Variants in FAM53B observed in about 807,000 individuals in gnomAD.
FAM53B encodes the protein family with sequence similarity 53 member B.
FAM53B carries 12 observed loss-of-function variants against 32.7 expected under a neutral mutation model. The ratio of observed to expected loss-of-function variants is 0.37; its 90% CI spans 0.24 to 0.59. The LOEUF (loss-of-function observed/expected upper bound fraction) is 0.59. Among genes scored for constraint, FAM53B ranks in the 20% least tolerant of loss-of-function variants. The pLI, the probability that FAM53B is intolerant of heterozygous loss-of-function variation, is 0.72. For synonymous variants in FAM53B, 234 were observed against 228.7 expected, an observed-to-expected ratio of 1.02 and a Z score of -0.21; for missense variants, 477 against 577.7, an observed-to-expected ratio of 0.83 and a Z score of 1.79.
At chr10:124,641,122 CAG>C (rs1300638801) in intron 4 of FAM53B, among the ~76,000 whole-genome samples, 10 of 152,220 alleles carry the variant, frequency 6.6e-5, no homozygotes. Flanking sequence ...AGGGGCTGTC[CAG>C]AGTCCCGGGC....
chr10:124,693,743 T>TG (rs1271784052), intron 3 of FAM53B, among the ~76,000 whole-genome samples: 1 of 152,174 alleles, frequency 6.6e-6, no homozygotes, highest in African/African-American at 2.4e-5. Context: ...GCCGGGAAGA[T>TG]GGGGTGGTAT....
At chr10:124,633,496 GAAC>G (rs1949405546) in intron 4 of FAM53B, among the ~76,000 whole-genome samples, 2 of 152,274 alleles carry the variant, frequency 1.3e-5, no homozygotes, top group East Asian at 3.9e-4. Context: ...ACTCTGTAAA[GAAC>G]AGTGGGGAAG....
chr10:124,698,707 T>G (rs1482912616), intron 2 of FAM53B, among the ~76,000 whole-genome samples: 3 of 152,074 alleles, frequency 2.0e-5, no homozygotes, highest in Non-Finnish European at 4.4e-5. Context: ...TCCCAGCCAC[T>G]GCCAGCCCCA....
intron 1 of FAM53B, 35 bp from the exon 2 acceptor site, chr10:124,706,922 A>T (rs1413807652): frequency 1.2e-5 from 17 of 1,419,772 alleles, no homozygotes; most frequent in Non-Finnish European, 1.6e-5. Context: ...AAGATTCAGG[A>T]CTAAGAAAGA....
chr10:124,655,682 G>A (rs1295765348), intron 4 of FAM53B, among the ~76,000 whole-genome samples: 1 of 152,136 alleles, frequency 6.6e-6, no homozygotes, highest in Non-Finnish European at 1.5e-5. Context: ...GTTCTCTGCT[G>A]GGGTCCCTCT....
intron 3 of FAM53B, among the ~76,000 whole-genome samples, chr10:124,691,693 TTAG>T (rs1185803368): frequency 6.6e-6 from 1 of 152,208 alleles, no homozygotes; most frequent in Admixed American, 6.5e-5. Flanking sequence ...ATGGCTGCAA[TTAG>T]CCAAGGGTGG....
chr10:124,650,785 A>C lies in FAM53B; in HGVS notation c.907-27181T>G, dbSNP rs190421411. ...CCAGTACAATGTCCCCAGCCCTGCT[A>C]GGAGGCCAATATTCCTTTGCCATCA... On this transcript the variant is annotated intron_variant, in intron 4 of 4. Transcript: ENST00000337318. Among the ~76,000 whole-genome samples, 368 of 152,264 alleles carry C rather than the reference A, an allele frequency of 2.4e-3. 4 individuals are homozygous for C. The highest frequency in any genetic ancestry group is 8.6e-3 in the African/African-American group (356 of 41,534).
chr10:124,623,347 G>A lies in FAM53B; in HGVS notation c.1164C>T (p.Gly388=), dbSNP rs1459347586. ...AGGCTGCAGCCGGCTCCGCTCTCCT[G>A]CCACAATCCTCGTCCAGGGCGCAGC... is the stretch of plus-strand genomic sequence containing the variant. The part of the protein sequence containing the change: ...SDSCALDEDC[G]RRAEPAAAWR... Residue 388 remains glycine (G), a synonymous_variant, in exon 5 of 5, where the codon GGC becomes GGT. Coordinates refer to ENST00000337318, the MANE Select transcript of FAM53B (RefSeq NM_014661.4). The A allele has an allele frequency of 1.2e-6, 2 of 1,612,644 alleles. No individual in the cohort carries two copies. Among genetic ancestry groups the A allele is most frequent in the Non-Finnish European group, 8.5e-7 (1 of 1,179,830 alleles).
rs1228411999 is a variant in FAM53B at position 124,620,819 on chromosome 10, G to A, written c.*2423C>T. Reference sequence around the variant, plus strand: ...AGGGATAGCCACCATTTTCTCCCCTGACTGCTGCGTGGTGGGCACAGGACA... The same window carrying A: ...AGGGATAGCCACCATTTTCTCCCCTAACTGCTGCGTGGTGGGCACAGGACA... On this transcript the variant is annotated 3_prime_UTR_variant, in exon 5 of 5. Coordinates refer to ENST00000337318, the MANE Select transcript of FAM53B (RefSeq NM_014661.4). 1 of 152,438 alleles carries A rather than the reference G, an allele frequency of 6.6e-6. No individual in the cohort carries two copies. The highest frequency in any genetic ancestry group is 1.5e-5 in the Non-Finnish European group (1 of 68,204). The allele number at this position is 152,438 out of a possible 1,614,324, so 9.4% of individuals were successfully genotyped here.
At chr10:124,674,980 A>AGTTT (rs1483441342) in intron 4 of FAM53B, among the ~76,000 whole-genome samples, 9 of 152,178 alleles carry the variant, frequency 5.9e-5, no homozygotes, top group Non-Finnish European at 7.4e-5. Context: ...CTTCTCAAAC[A>AGTTT]TTCTCTGCTC....
At chr10:124,694,132 C>T (rs1460506602) in intron 3 of FAM53B, among the ~76,000 whole-genome samples, 1 of 152,242 alleles carries the variant, frequency 6.6e-6, no homozygotes, top group Non-Finnish European at 1.5e-5. Context: ...GCTTCTCCCT[C>T]TGCTGCCTGG....
At chr10:124,641,421 G>C (rs960059955) in intron 4 of FAM53B, among the ~76,000 whole-genome samples, 1 of 152,234 alleles carries the variant, frequency 6.6e-6, no homozygotes, top group Non-Finnish European at 1.5e-5. Flanking sequence ...CTCAGCCCAA[G>C]TTAGGAGATG....
intron 1 of FAM53B, 58 bp from the exon 2 acceptor site, chr10:124,706,945 G>A: frequency 1.4e-6 from 2 of 1,381,576 alleles, no homozygotes; most frequent in Non-Finnish European, 1.9e-6. Context: ...AGGGCCCTGA[G>A]AGTCACCCCT....
chr10:124,684,821 A>G (rs1025746450), intron 3 of FAM53B, among the ~76,000 whole-genome samples: 2 of 152,218 alleles, frequency 1.3e-5, no homozygotes, highest in Non-Finnish European at 2.9e-5. Flanking sequence ...GACCAGCTAT[A>G]AAGTAAAATT....
At position 124,733,683 on chromosome 10, in the gene FAM53B, T is replaced by C. The variant is rs1321368886; in HGVS notation, c.-175+10330A>G. On this transcript the variant is annotated intron_variant, in intron 1 of 4. Coordinates refer to ENST00000337318, the MANE Select transcript of FAM53B (RefSeq NM_014661.4). The surrounding 1 kb of genome is among the most constrained non-coding windows in gnomAD (Gnocchi z 4.3). ...TAAATGCGAGAGTTTTGTCTAAAAA[T>C]AAACAAAGACCACATCACTCTGGCC... is the stretch of plus-strand genomic sequence containing the variant. Among the ~76,000 whole-genome samples the C allele has an allele frequency of 6.6e-6, 1 of 152,162 alleles. No homozygotes were observed. The highest frequency in any genetic ancestry group is 6.5e-5 in the Admixed American group (1 of 15,282).
intron 3 of FAM53B, among the ~76,000 whole-genome samples, chr10:124,683,878 G>A (rs1266191154): frequency 6.6e-6 from 1 of 152,150 alleles, no homozygotes; most frequent in East Asian, 1.9e-4. Context: ...CTCCTCAAAG[G>A]GCACCAAGAG....
chr10:124,651,600 A>ACCC lies in FAM53B; in HGVS notation c.907-27999_907-27997dup, dbSNP rs1949556295. On this transcript the variant is annotated intron_variant, in intron 4 of 4. Coordinates refer to ENST00000337318, the MANE Select transcript of FAM53B (RefSeq NM_014661.4). This position sits in a 1 kb window ranked among gnomAD's most constrained non-coding sequence, Gnocchi z 5.2. Reference sequence around the variant, plus strand: ...ACTCCTCCTGCTGCTCTCCCCTGCCACCCCCACCTCCGAGACAGTGAGGCC... The same window carrying ACCC: ...ACTCCTCCTGCTGCTCTCCCCTGCCACCCCCCCCACCTCCGAGACAGTGAGGCC... 6.6e-6 allele frequency among the ~76,000 whole-genome samples: 1 copy of ACCC among 151,734 alleles called. No individual in the cohort carries two copies. Among genetic ancestry groups the ACCC allele is most frequent in the Non-Finnish European group, 1.5e-5 (1 of 67,910 alleles).
At chr10:124,702,074 C>A (rs1177680357) in intron 2 of FAM53B, among the ~76,000 whole-genome samples, 1 of 152,132 alleles carries the variant, frequency 6.6e-6, no homozygotes, top group Non-Finnish European at 1.5e-5. Context: ...CTTTCCCTTG[C>A]ACATTGAGAC....
intron 4 of FAM53B, among the ~76,000 whole-genome samples, chr10:124,657,215 TAAAA>T (rs1421543833): frequency 6.7e-6 from 1 of 149,600 alleles, no homozygotes; most frequent in Non-Finnish European, 1.5e-5. Flanking sequence ...GTATACAGAT[TAAAA>T]GAAAGGAAAA....
Sources: allele counts gnomAD v4.1 joint callset (sites outside exome capture counted in the v4.1 genomes callset), GRCh38; gene constraint gnomAD v4.1.1; non-coding constraint Gnocchi (gnomAD v3.1); transcripts MANE v1.5; gene names NCBI Gene and HGNC (gene_info 2026-07-23, HGNC 2026-07-21).